The following POT1 variants were observed in gnomAD, a reference collection of about 807,000 sequenced individuals.
The protein encoded by POT1 is protection of telomeres 1.
Under a neutral mutation model 78.5 loss-of-function variants are expected in POT1, and 47 were observed. The observed-to-expected ratio is 0.60, with a 90% CI of 0.47 to 0.76. The LOEUF is 0.76. Among genes scored for constraint, POT1 ranks in the 30% least tolerant of loss-of-function variants. POT1 has a pLI of 0.00. For missense variants in POT1, 646 were observed against 749.9 expected (o/e 0.86, Z 1.62); for synonymous variants, 259 against 260.7 (o/e 0.99, Z 0.06).
chr7:124,905,066 T>C (rs1422180557), intron 3 of POT1, among the ~76,000 whole-genome samples: 1 of 152,198 alleles, frequency 6.6e-6, no homozygotes, highest in Non-Finnish European at 1.5e-5. Context: ...ATGGCCATAC[T>C]GCCCAAGGTA....
At chr7:124,882,734 A>T (rs886840816) in intron 6 of POT1, among the ~76,000 whole-genome samples, 3 of 152,054 alleles carry the variant, frequency 2.0e-5, no homozygotes, top group Admixed American at 2.0e-4. Context: ...ATTCATTAAA[A>T]CAATTCAAAC....
intron 12 of POT1, among the ~76,000 whole-genome samples, chr7:124,845,626 T>C (rs1412700023): frequency 6.6e-6 from 1 of 152,194 alleles, no homozygotes; most frequent in Non-Finnish European, 1.5e-5. Flanking sequence ...AAAATGTAAA[T>C]ATCTTATTTT....
intron 3 of POT1, among the ~76,000 whole-genome samples, chr7:124,904,111 T>A (rs539839327): frequency 3.7e-3 from 568 of 152,316 alleles, no homozygotes; most frequent in Non-Finnish European, 5.0e-3. Flanking sequence ...GTACCATTCC[T>A]TCTGAAACTA....
intron 18 of POT1, among the ~76,000 whole-genome samples, chr7:124,824,453 C>T (rs1794582709): frequency 6.6e-6 from 1 of 151,982 alleles, no homozygotes; most frequent in South Asian, 2.1e-4. Context: ...AAACAGTTAA[C>T]ACAAATTAAA....
chr7:124,859,200 T>C, intron 8 of POT1, 88 bp from the exon 9 acceptor site: 1 of 959,984 alleles, frequency 1.0e-6, no homozygotes, highest in Non-Finnish European at 1.5e-6. Flanking sequence ...TATTTAAAAG[T>C]AATTAAACTT....
chr7:124,901,087 G>C (rs949033602), intron 3 of POT1, among the ~76,000 whole-genome samples: 1 of 152,198 alleles, frequency 6.6e-6, no homozygotes, highest in African/African-American at 2.4e-5. Flanking sequence ...CATAGCTGAA[G>C]AAGAGGCAGC....
intron 15 of POT1, among the ~76,000 whole-genome samples, chr7:124,831,948 G>A (rs1794768094): frequency 6.7e-6 from 1 of 149,590 alleles, no homozygotes; most frequent in Admixed American, 6.7e-5. Flanking sequence ...GTTAGAGAAG[G>A]GATTGATATG....
intron 6 of POT1, among the ~76,000 whole-genome samples, chr7:124,890,203 G>C (rs2116623863): frequency 6.6e-6 from 1 of 152,054 alleles, no homozygotes; most frequent in African/African-American, 2.4e-5. Context: ...GTGGAATTAA[G>C]TCACTGCAGA....
At chr7:124,871,602 T>A (rs1157882877) in intron 6 of POT1, among the ~76,000 whole-genome samples, 2 of 152,032 alleles carry the variant, frequency 1.3e-5, no homozygotes, top group Admixed American at 1.3e-4. Context: ...TATAAAAAAT[T>A]ATACATTATA....
intron 2 of POT1, among the ~76,000 whole-genome samples, chr7:124,924,704 AAATT>A (rs1797233066): frequency 6.6e-6 from 1 of 152,138 alleles, no homozygotes; most frequent in African/African-American, 2.4e-5. Context: ...CATCGATGCA[AAATT>A]ATTAACAAAA....
chr7:124,825,854 A>C (rs76591620), intron 17 of POT1, among the ~76,000 whole-genome samples: 1,928 of 152,308 alleles, frequency 0.013, 37 homozygotes, highest in African/African-American at 0.043. Context: ...TGAAAGGTTA[A>C]ATGAATTGTG....
At chr7:124,871,119 A>T in intron 6 of POT1, 78 bp from the exon 7 acceptor site, 1 of 1,237,096 alleles carries the variant, frequency 8.1e-7, no homozygotes, top group African/African-American at 1.5e-5. Flanking sequence ...CTTACTTCAA[A>T]ACACCAAACC....
intron 11 of POT1, among the ~76,000 whole-genome samples, chr7:124,848,088 C>A (rs547054018): frequency 6.0e-4 from 91 of 152,222 alleles, no homozygotes; most frequent in Non-Finnish European, 8.5e-4. Context: ...CTCTCAAAAA[C>A]ATATAGTATA....
chr7:124,823,175 C>G lies in POT1; in HGVS notation c.*787G>C, dbSNP rs1433892033. 3.3e-5 allele frequency: 5 copies of G among 152,080 alleles called. No homozygotes were observed. Among genetic ancestry groups the G allele is most frequent in the African/African-American group, 1.2e-4 (5 of 41,446 alleles). The allele number at this position is 152,080 out of a possible 1,614,324, so 9.4% of individuals were successfully genotyped here. On this transcript the variant is annotated 3_prime_UTR_variant, in exon 19 of 19. Transcript: ENST00000357628. ...CTGGGATGTAGACAGCCCTAAACAT[C>G]TGCTGCATTGCCACACCTATTTCGA...
chr7:124,882,209 T>G (rs572494722), intron 6 of POT1, among the ~76,000 whole-genome samples: 1 of 152,008 alleles, frequency 6.6e-6, no homozygotes, highest in Non-Finnish European at 1.5e-5. Flanking sequence ...TCCATGAAAG[T>G]TGCTTCATCT....
chr7:124,906,569 C>T (rs760602458), intron 3 of POT1, among the ~76,000 whole-genome samples: 17 of 151,870 alleles, frequency 1.1e-4, no homozygotes, highest in Non-Finnish European at 2.1e-4. Context: ...AGCACACCAA[C>T]GTGGCACATG....
chr7:124,891,234 TGAATTAACCCTTTTATCA>T (rs1340864215), intron 6 of POT1, among the ~76,000 whole-genome samples: 5 of 151,754 alleles, frequency 3.3e-5, no homozygotes, highest in Non-Finnish European at 7.4e-5. Flanking sequence ...ATTTTCTTGG[TGAATTAACCCTTTTATCA>T]TTATGTGATA....
chr7:124,875,826 T>C (rs1488838067), intron 6 of POT1, among the ~76,000 whole-genome samples: 1 of 152,218 alleles, frequency 6.6e-6, no homozygotes, highest in African/African-American at 2.4e-5. Context: ...CCATACGTTA[T>C]TCTGGGACAT....
chr7:124,850,039 T>C (rs1795265932), intron 11 of POT1, among the ~76,000 whole-genome samples: 1 of 151,956 alleles, frequency 6.6e-6, no homozygotes, highest in African/African-American at 2.4e-5. Flanking sequence ...CATATTACAG[T>C]GTACTTTAAA....
Sources: gnomAD v4.1 joint callset for allele counts (sites outside exome capture counted in the v4.1 genomes callset) on GRCh38, gnomAD v4.1.1 for gene constraint, MANE v1.5 for transcripts, NCBI Gene and HGNC (gene_info 2026-07-23, HGNC 2026-07-21) for gene names.